Variants in ZFYVE1 observed in about 807,000 individuals in gnomAD.
The protein encoded by ZFYVE1 is zinc finger FYVE domain-containing protein 1.
A neutral mutation model predicts 74.4 loss-of-function variants in ZFYVE1; 30 were observed. The observed-to-expected ratio is 0.40, with a 90% CI of 0.30 to 0.55. The LOEUF (loss-of-function observed/expected upper bound fraction) is 0.55. Among genes scored for constraint, ZFYVE1 ranks in the 20% least tolerant of loss-of-function variants. The probability of loss-of-function intolerance (pLI) is 0.42; values close to 1 mark genes in which losing one functional copy is unlikely to be tolerated. For synonymous variants in ZFYVE1, 335 were observed against 385.1 expected, an observed-to-expected ratio of 0.87 and a Z score of 1.52; for missense variants, 703 against 1,011.6, an observed-to-expected ratio of 0.69 and a Z score of 4.14.
chr14:72,985,498 A>T (rs1002924982), intron 4 of ZFYVE1, among the ~76,000 whole-genome samples: 4 of 145,670 alleles, frequency 2.7e-5, no homozygotes, highest in Non-Finnish European at 3.0e-5. Flanking sequence ...TGTATGGATA[A>T]TTTTTTTTTT....
At chr14:72,972,502 T>C (rs182179780) in intron 11 of ZFYVE1, among the ~76,000 whole-genome samples, 36 of 152,326 alleles carry the variant, frequency 2.4e-4, no homozygotes, top group Non-Finnish European at 4.3e-4. Flanking sequence ...TCTACTCACT[T>C]TGTGAGCTGC....
At position 72,974,190 on chromosome 14, in the gene ZFYVE1, A is replaced by G. The variant is rs1893106420; in HGVS notation, c.1991T>C (p.Val664Ala). ...CYEARNVQLA[V>A]TEAQVDDEGG... The stretch of plus-strand genomic sequence containing the variant: ...TTCATCGTCCACTTGTGCCTCGGTA[A>G]CAGCTGTAGACAGTAATAAAGGAAA... Residue 664 changes from valine (V) to alanine (A), a missense_variant, in exon 11 of 12, where the codon GTT becomes GCT. Val to Ala is a moderately conservative substitution (Grantham distance 64, BLOSUM62 0). Around this residue, in one of 2 missense-constraint regions of ZFYVE1, gnomAD observed 492 missense variants for 790.0 expected, o/e 0.62. Transcript: ENST00000556143. 6.2e-7 allele frequency: 1 copy of G among 1,613,760 alleles called. No individual in the cohort carries two copies. Among genetic ancestry groups the G allele is most frequent in the Non-Finnish European group, 8.5e-7 (1 of 1,179,796 alleles).
intron 3 of ZFYVE1, 129 bp downstream of exon 3, chr14:72,997,682 C>T: frequency 7.9e-7 from 1 of 1,265,700 alleles, no homozygotes; most frequent in Middle Eastern, 2.1e-4. Context: ...CCTTGAAACA[C>T]TTTCTATGTC....
At chr14:73,013,637 A>T (rs375913079) in intron 2 of ZFYVE1, among the ~76,000 whole-genome samples, 1 of 152,040 alleles carries the variant, frequency 6.6e-6, no homozygotes, top group East Asian at 1.9e-4. Context: ...GAAGGGGAAA[A>T]TGAACAAAAT....
chr14:72,999,492 TG>T (rs1244277723), intron 2 of ZFYVE1, among the ~76,000 whole-genome samples: 2 of 150,742 alleles, frequency 1.3e-5, no homozygotes, highest in East Asian at 3.9e-4. Flanking sequence ...GAGGCTGAGG[TG>T]GGAAGATGGC....
chr14:72,992,630 T>TCCCCAC (rs1324391955), intron 4 of ZFYVE1, among the ~76,000 whole-genome samples: 19 of 55,312 alleles, frequency 3.4e-4, no homozygotes, highest in African/African-American at 1.3e-3. Context: ...CCCCGCCCCT[T>TCCCCAC]GCAAGAGAGA....
intron 4 of ZFYVE1, among the ~76,000 whole-genome samples, chr14:72,982,764 T>C (rs2140352024): frequency 6.6e-6 from 1 of 152,226 alleles, no homozygotes; most frequent in African/African-American, 2.4e-5. Context: ...ATATGTTACT[T>C]CCTTCCATAA....
intron 4 of ZFYVE1, among the ~76,000 whole-genome samples, chr14:72,985,165 T>C (rs1278854514): frequency 6.6e-6 from 1 of 152,226 alleles, no homozygotes. Context: ...AAAAGGCAGC[T>C]TTTTTATTGA....
At chr14:72,997,389 A>C (rs964950596) in intron 3 of ZFYVE1, among the ~76,000 whole-genome samples, 1 of 152,008 alleles carries the variant, frequency 6.6e-6, no homozygotes, top group Non-Finnish European at 1.5e-5. Context: ...TTAGAGACAT[A>C]GCCTCACTAT....
chr14:73,015,109 T>C (rs1284645047), intron 2 of ZFYVE1, among the ~76,000 whole-genome samples: 2 of 150,914 alleles, frequency 1.3e-5, no homozygotes, highest in African/African-American at 4.9e-5. Context: ...CAGGCGCCTA[T>C]AGTCCCAGCT....
chr14:72,971,118 A>G lies in ZFYVE1; in HGVS notation c.2102-4T>C. 1 of 1,614,018 alleles carries G rather than the reference A, an allele frequency of 6.2e-7. No individual in the cohort carries two copies. The highest frequency in any genetic ancestry group is 8.5e-7 in the Non-Finnish European group (1 of 1,180,022). ...CTGGCCGCGTCCTTTACCAGACCTA[A>G]GGCAGGGAACAATGGTCAGGGCACC... On this transcript the variant is annotated splice_polypyrimidine_tract_variant and splice_region_variant and intron_variant, in intron 11 of 11. Transcript: ENST00000556143.
intron 8 of ZFYVE1, 31 bp downstream of exon 8, chr14:72,977,896 A>G: frequency 1.2e-6 from 2 of 1,608,742 alleles, no homozygotes; most frequent in Non-Finnish European, 1.7e-6. Flanking sequence ...ACACAAGATA[A>G]AGAAAAACAG....
At chr14:72,993,421 G>C in intron 3 of ZFYVE1, 64 bp from the exon 4 acceptor site, 1 of 1,400,074 alleles carries the variant, frequency 7.1e-7, no homozygotes, top group Non-Finnish European at 9.7e-7. Flanking sequence ...AAAAAAAGTA[G>C]GCCAGGCACG....
chr14:73,006,006 C>A (rs12878517), intron 2 of ZFYVE1, among the ~76,000 whole-genome samples: 45,688 of 151,732 alleles, frequency 0.3, 7,280 homozygotes, highest in Middle Eastern at 0.39. Flanking sequence ...ACTGCAAGTT[C>A]CGCCTCCCCG....
chr14:72,984,142 T>C (rs925829127), intron 4 of ZFYVE1, among the ~76,000 whole-genome samples: 1 of 152,188 alleles, frequency 6.6e-6, no homozygotes, highest in East Asian at 1.9e-4. Flanking sequence ...CAGCCACGGC[T>C]GACCAAGCGG....
chr14:73,001,114 T>TA (rs1893860809), intron 2 of ZFYVE1, among the ~76,000 whole-genome samples: 1 of 152,250 alleles, frequency 6.6e-6, no homozygotes, highest in Non-Finnish European at 1.5e-5. Flanking sequence ...CAAGACTGCA[T>TA]ATTCCTGCTG....
intron 4 of ZFYVE1, among the ~76,000 whole-genome samples, chr14:72,984,485 C>T (rs897235137): frequency 8.6e-5 from 13 of 151,490 alleles, no homozygotes; most frequent in African/African-American, 1.7e-4. Flanking sequence ...GCCAAGATCA[C>T]GCCATTGCAC....
intron 11 of ZFYVE1, among the ~76,000 whole-genome samples, chr14:72,971,416 A>C (rs891012757): frequency 6.6e-6 from 1 of 151,940 alleles, no homozygotes; most frequent in Non-Finnish European, 1.5e-5. Context: ...GGCTCACCAC[A>C]ACCTCTGCCT....
chr14:72,969,704 A>G lies in ZFYVE1; in HGVS notation c.*1178T>C. On this transcript the variant is annotated 3_prime_UTR_variant, in exon 12 of 12. Coordinates refer to ENST00000556143, the MANE Select transcript of ZFYVE1 (RefSeq NM_021260.4). ...TGAAGATCAAATCCACCATGATGAT[A>G]GGATTTCAGCACAACGGGCCCTTTC... 3 of 702,618 alleles carry G rather than the reference A, an allele frequency of 4.3e-6. No homozygotes were observed. Among genetic ancestry groups the G allele is most frequent in the Non-Finnish European group, 7.8e-6 (3 of 384,810 alleles). The allele number at this position is 702,618 out of a possible 1,614,324, so 43.5% of individuals were successfully genotyped here. A position where few individuals can be genotyped will look rare whatever the true frequency, so the allele number is the denominator to read the frequency against.
Sources: allele counts gnomAD v4.1 joint callset (sites outside exome capture counted in the v4.1 genomes callset), GRCh38; gene constraint gnomAD v4.1.1; regional missense constraint gnomAD v4.1.1; transcripts MANE v1.5; gene names NCBI Gene and HGNC (gene_info 2026-07-23, HGNC 2026-07-21).